The following SVIL variants were observed in gnomAD, a reference collection of about 807,000 sequenced individuals.
SVIL encodes archvillin.
SVIL carries 101 observed loss-of-function variants against 240.4 expected under a neutral mutation model. The observed-to-expected ratio is 0.42, with a 90% CI of 0.36 to 0.50. The LOEUF (loss-of-function observed/expected upper bound fraction) is 0.50. Among genes scored for constraint, SVIL ranks in the 20% least tolerant of loss-of-function variants. The pLI, the probability that SVIL is intolerant of heterozygous loss-of-function variation, is 0.01. For synonymous variants in SVIL, 999 were observed against 1,100.0 expected (o/e 0.91, Z 1.82); for missense variants, 2,512 against 2,818.7 (o/e 0.89, Z 2.46).
chr10:29,627,948 A>G (rs1028378317), intron 1 of SVIL, among the ~76,000 whole-genome samples: 2 of 152,258 alleles, frequency 1.3e-5, no homozygotes, highest in African/African-American at 4.8e-5. Flanking sequence ...TTAGAGAGCT[A>G]GCTGCTTCTT....
intron 18 of SVIL, chr10:29,496,479 A>G (rs186857423): frequency 4.5e-6 from 2 of 440,142 alleles, no homozygotes; most frequent in East Asian, 7.3e-5. Context: ...AACAGGACTG[A>G]CTCTGAAGGC....
At chr10:29,476,314 T>A (rs2132332344) in intron 29 of SVIL, among the ~76,000 whole-genome samples, 1 of 152,390 alleles carries the variant, frequency 6.6e-6, no homozygotes, top group African/African-American at 2.4e-5. Flanking sequence ...TCAAATACAT[T>A]GTGTAAATAC....
At chr10:29,719,763 T>C (rs1358575190) in intron 1 of SVIL, among the ~76,000 whole-genome samples, 2 of 151,770 alleles carry the variant, frequency 1.3e-5, no homozygotes, top group Non-Finnish European at 2.9e-5. Context: ...AATAGAAATA[T>C]CCAAAATGAA....
In SVIL at chr10:29,735,041, C is replaced by T. The variant is rs1716501777; in HGVS notation, c.-400+710G>A. ...ACCCAGATTGCGGCCTGGACTGGAGCCTCCCCGCCGCTCACTCACTGTAAT... is the reference window on the plus strand; with the variant it reads ...ACCCAGATTGCGGCCTGGACTGGAGTCTCCCCGCCGCTCACTCACTGTAAT... On this transcript the variant is annotated intron_variant, in intron 1 of 35. Transcript: ENST00000375400. This position sits in a 1 kb window ranked among gnomAD's most constrained non-coding sequence, Gnocchi z 4.1. 1.3e-5 allele frequency among the ~76,000 whole-genome samples: 2 copies of T among 152,334 alleles called. No individual in the cohort carries two copies. Among genetic ancestry groups the T allele is most frequent in the Admixed American group, 1.3e-4 (2 of 15,308 alleles).
intron 6 of SVIL, among the ~76,000 whole-genome samples, chr10:29,539,598 G>T (rs923799399): frequency 7.9e-5 from 12 of 152,192 alleles, no homozygotes; most frequent in African/African-American, 2.9e-4. Context: ...CCTGGGCGCT[G>T]TGTAGCAATG....
intron 2 of SVIL, among the ~76,000 whole-genome samples, chr10:29,564,379 A>T (rs1954783640): frequency 6.6e-6 from 1 of 152,136 alleles, no homozygotes; most frequent in African/African-American, 2.4e-5. Context: ...ATGGTCTTTG[A>T]TGTGGTCGGA....
In SVIL at chr10:29,533,041, A is replaced by G; in HGVS notation, c.1326T>C (p.Asp442=). The G allele has an allele frequency of 1.9e-5, 31 of 1,613,998 alleles. No homozygotes were observed. The highest frequency in any genetic ancestry group is 2.6e-5 in the Non-Finnish European group (31 of 1,179,998). ...GCTCGAGAGCTTCAGTGAAGCACAC[A>G]TCTTCTTCTTTTTCTTCTCCTTCTC... ...GEGEGEEKEE[D]VCFTEALEQS... is the part of the protein sequence containing the mutation. The change falls in exon 8 of 38, where the codon GAT becomes GAC. Residue 442 remains aspartate (D), a synonymous_variant. Transcript: ENST00000355867.
chr10:29,560,048 T>C (rs952963707), intron 3 of SVIL, among the ~76,000 whole-genome samples: 2 of 152,180 alleles, frequency 1.3e-5, no homozygotes, highest in African/African-American at 4.8e-5. Context: ...CAAAGAAATA[T>C]AAGTGGCAGG....
intron 1 of SVIL, among the ~76,000 whole-genome samples, chr10:29,731,176 T>TG (rs5784151): frequency 0.57 from 87,360 of 152,030 alleles, 25,779 homozygotes; most frequent in African/African-American, 0.7. Flanking sequence ...CCCTCATACT[T>TG]GAAGTATTTG....
At chr10:29,562,661 T>A (rs1156787769) in intron 3 of SVIL, among the ~76,000 whole-genome samples, 1 of 149,976 alleles carries the variant, frequency 6.7e-6, no homozygotes, top group African/African-American at 2.5e-5. Flanking sequence ...TTCGGGAGGC[T>A]GAGGAAGGAG....
intron 1 of SVIL, among the ~76,000 whole-genome samples, chr10:29,731,616 T>C (rs556282385): frequency 1.3e-5 from 2 of 152,342 alleles, no homozygotes; most frequent in South Asian, 2.1e-4. Flanking sequence ...GTTTTACATA[T>C]GGAAAAACTA....
Position 29,555,343 on chromosome 10 carries a change from CATGG to C in SVIL, c.-50-239_-50-236del, listed in dbSNP as rs1466235879. Among the ~76,000 whole-genome samples, 256 of 85,282 alleles carry C rather than the reference CATGG, an allele frequency of 3.0e-3. 7 individuals carry two copies. The East Asian group carries it at 0.093, about 31-fold the overall frequency. The allele number at this position is 85,282 out of a possible 152,430, so 55.9% of individuals were successfully genotyped here. On this transcript the variant is annotated intron_variant, in intron 3 of 37. Transcript: ENST00000355867. ...ACACACACACACACACACACACACACATGGACACACCCTAGGACGCATCATCCTC... is the reference window on the plus strand; with the variant it reads ...ACACACACACACACACACACACACACACACACCCTAGGACGCATCATCCTC...
chr10:29,708,152 G>A (rs1366910481), intron 1 of SVIL, among the ~76,000 whole-genome samples: 1 of 151,304 alleles, frequency 6.6e-6, no homozygotes, highest in Non-Finnish European at 1.5e-5. Flanking sequence ...CAGCTACTCG[G>A]GAGGCTGAGG....
intron 1 of SVIL, among the ~76,000 whole-genome samples, chr10:29,693,690 C>G (rs889242134): frequency 1.3e-5 from 2 of 152,098 alleles, no homozygotes; most frequent in South Asian, 2.1e-4. Flanking sequence ...TTCCTTCTCC[C>G]GAAAAAACGT....
At chr10:29,670,497 C>T (rs1017093519) in intron 2 of SVIL, among the ~76,000 whole-genome samples, 1 of 152,200 alleles carries the variant, frequency 6.6e-6, no homozygotes. Context: ...AAGGCTTAGT[C>T]TGATGGGAAA....
chr10:29,502,198 T>A (rs1475007190), intron 17 of SVIL, among the ~76,000 whole-genome samples: 1 of 152,216 alleles, frequency 6.6e-6, no homozygotes, highest in Non-Finnish European at 1.5e-5. Context: ...TGACTTAACT[T>A]TGCTACTTAG....
At chr10:29,511,609 C>T (rs763208858) in intron 17 of SVIL, among the ~76,000 whole-genome samples, 2 of 152,216 alleles carry the variant, frequency 1.3e-5, no homozygotes, top group Non-Finnish European at 2.9e-5. Flanking sequence ...CTGAATTTCA[C>T]ACGGTGTGTG....
chr10:29,616,000 T>C (rs1476087142), intron 1 of SVIL, among the ~76,000 whole-genome samples: 1 of 152,242 alleles, frequency 6.6e-6, no homozygotes, highest in African/African-American at 2.4e-5. Flanking sequence ...CTAAATAATA[T>C]GCTTATACAG....
intron 1 of SVIL, among the ~76,000 whole-genome samples, chr10:29,725,187 A>G (rs1255593648): frequency 1.3e-5 from 2 of 152,032 alleles, no homozygotes; most frequent in African/African-American, 4.8e-5. Flanking sequence ...GCACAGCCCT[A>G]AGGCAGAGCA....
Sources: allele counts gnomAD v4.1 joint callset (sites outside exome capture counted in the v4.1 genomes callset), GRCh38; gene constraint gnomAD v4.1.1; non-coding constraint Gnocchi (gnomAD v3.1); transcripts MANE v1.5; gene names NCBI Gene and HGNC (gene_info 2026-07-23, HGNC 2026-07-21).